SH3PXD2A: variants seen among roughly 807,000 people sequenced by gnomAD.
SH3PXD2A encodes the protein SH3 and PX domain-containing protein 2A.
Under a neutral mutation model 115.2 loss-of-function variants are expected in SH3PXD2A, and 32 were observed. The ratio of observed to expected loss-of-function variants is 0.28; its 90% CI spans 0.21 to 0.37. The LOEUF (loss-of-function observed/expected upper bound fraction) is 0.37, where lower values mean the gene tolerates loss of function less well. SH3PXD2A is among the 10% of genes least tolerant of loss of function. SH3PXD2A has a pLI of 1.00. For synonymous variants in SH3PXD2A, 610 were observed against 629.1 expected, an observed-to-expected ratio of 0.97 and a Z score of 0.45; for missense variants, 1,328 against 1,498.7, an observed-to-expected ratio of 0.89 and a Z score of 1.88.
intron 2 of SH3PXD2A, among the ~76,000 whole-genome samples, chr10:103,793,507 G>A (rs1640130448): frequency 6.6e-6 from 1 of 152,212 alleles, no homozygotes; most frequent in South Asian, 2.1e-4. Context: ...GGTCTTTTAG[G>A]CTGTTTCCCA....
chr10:103,697,006 A>T lies in SH3PXD2A; in HGVS notation c.399-3950T>A, dbSNP rs555100652. On this transcript the variant is annotated intron_variant, in intron 5 of 14. Transcript: ENST00000369774. ...CTAAACAAGGACTCCTGGGGCCTCTACTCCCACCCCGCCCCATCCCCGGGT... is the reference window on the plus strand; with the variant it reads ...CTAAACAAGGACTCCTGGGGCCTCTTCTCCCACCCCGCCCCATCCCCGGGT... 1.3e-4 allele frequency among the ~76,000 whole-genome samples: 20 copies of T among 151,720 alleles called. No homozygotes were observed. In the South Asian group the frequency reaches 4.0e-3, roughly 30 times the overall value.
At chr10:103,789,926 G>C (rs1034893495) in intron 2 of SH3PXD2A, among the ~76,000 whole-genome samples, 1 of 152,194 alleles carries the variant, frequency 6.6e-6, no homozygotes, top group African/African-American at 2.4e-5. Context: ...TCAACAATGA[G>C]AGAGGCAGGT....
chr10:103,735,529 C>G (rs547269383), intron 4 of SH3PXD2A, among the ~76,000 whole-genome samples: 4 of 152,340 alleles, frequency 2.6e-5, no homozygotes, highest in Admixed American at 6.5e-5. Context: ...AGAAGCTTAG[C>G]TGTGAACCCG....
At chr10:103,713,624 TC>T (rs2038071304) in intron 5 of SH3PXD2A, among the ~76,000 whole-genome samples, 1 of 152,204 alleles carries the variant, frequency 6.6e-6, no homozygotes, top group African/African-American at 2.4e-5. Flanking sequence ...GAATGCCACC[TC>T]CTCAGGGAGG....
rs142927701 is a variant in SH3PXD2A, at chr10:103,645,990, C to T, written c.604+14993G>A. ...TTGGCCTTCTTAACTGTAAAATAGG[C>T]ATCACAATACCCATACTTTACAGGG... On this transcript the variant is annotated intron_variant, in intron 8 of 14. Transcript: ENST00000369774. Among the ~76,000 whole-genome samples the T allele has an allele frequency of 7.3e-3, 1,109 of 152,304 alleles. 16 individuals are homozygous for T. The highest frequency in any genetic ancestry group is 8.1e-3 in the Non-Finnish European group (551 of 68,034).
rs140156077 is a variant in SH3PXD2A at position 103,660,854 on chromosome 10, C to T, written c.604+129G>A. ...CAACAGGGGGAAACTTCAGCCGCCT[C>T]GGCCCTCTCTCTGCCAGATGGAAAT... is the stretch of plus-strand genomic sequence containing the variant. On this transcript the variant is annotated intron_variant, in intron 8 of 14. Transcript: ENST00000369774. 1.4e-5 allele frequency: 15 copies of T among 1,055,874 alleles called. No homozygotes were observed. The African/African-American group carries it at 1.6e-4, about 11-fold the overall frequency. The allele number at this position is 1,055,874 out of a possible 1,614,324, so 65.4% of individuals were successfully genotyped here.
chr10:103,648,428 T>C (rs2037068507), intron 8 of SH3PXD2A, among the ~76,000 whole-genome samples: 1 of 152,154 alleles, frequency 6.6e-6, no homozygotes, highest in Non-Finnish European at 1.5e-5. Flanking sequence ...ATACTTCTGG[T>C]TGTAACTGAT....
intron 1 of SH3PXD2A, among the ~76,000 whole-genome samples, chr10:103,816,620 C>T (rs567171097): frequency 2.9e-4 from 44 of 152,220 alleles, no homozygotes; most frequent in South Asian, 1.0e-3. Flanking sequence ...TTAAACGTAG[C>T]GTCACCGGAT....
Position 103,797,805 on chromosome 10 carries a change from T to C in SH3PXD2A, c.153+3477A>G, listed in dbSNP as rs558576988. Among the ~76,000 whole-genome samples, 291 of 150,708 alleles carry C rather than the reference T, an allele frequency of 1.9e-3. 1 individual carries two copies. The highest frequency in any genetic ancestry group is 3.0e-3 in the Non-Finnish European group (204 of 67,648). On this transcript the variant is annotated intron_variant, in intron 2 of 14. Coordinates refer to ENST00000369774, the MANE Select transcript of SH3PXD2A (RefSeq NM_001394015.1). ...GGAGAGAAATGGAAAAACCAAAGAG[T>C]GTGGGGTTTCTGTTCAGATGACAGA...
At chr10:103,614,222 TC>T (rs1049739445) in intron 11 of SH3PXD2A, among the ~76,000 whole-genome samples, 1 of 152,020 alleles carries the variant, frequency 6.6e-6, no homozygotes, top group Non-Finnish European at 1.5e-5. Context: ...ACCACTGCAC[TC>T]CACTCTGGGA....
At chr10:103,737,545 C>A (rs2038394102) in intron 3 of SH3PXD2A, among the ~76,000 whole-genome samples, 2 of 152,150 alleles carry the variant, frequency 1.3e-5, no homozygotes, top group South Asian at 4.1e-4. Context: ...GAAGTGTTAT[C>A]AGGCCAGTTA....
chr10:103,740,364 G>A (rs1221316249), intron 3 of SH3PXD2A, among the ~76,000 whole-genome samples: 2 of 152,274 alleles, frequency 1.3e-5, no homozygotes, highest in Non-Finnish European at 2.9e-5. Context: ...GAGAGCCACC[G>A]TGAGGACTTT....
chr10:103,849,743 A>G (rs952244834), intron 1 of SH3PXD2A, among the ~76,000 whole-genome samples: 7 of 152,194 alleles, frequency 4.6e-5, no homozygotes, highest in African/African-American at 1.7e-4. Flanking sequence ...GGCAATTGTC[A>G]TGGCAGAGAA....
chr10:103,661,813 G>A (rs1425877784), intron 7 of SH3PXD2A: 1 of 985,128 alleles, frequency 1.0e-6, no homozygotes, highest in Non-Finnish European at 1.2e-6. Context: ...ATGAGGAGCC[G>A]GGGGTGGAGG....
At chr10:103,780,017 T>C (rs889974357) in intron 2 of SH3PXD2A, among the ~76,000 whole-genome samples, 1 of 152,258 alleles carries the variant, frequency 6.6e-6, no homozygotes, top group African/African-American at 2.4e-5. Context: ...CCAATTGTTC[T>C]TGATTCTTCT....
intron 2 of SH3PXD2A, 99 bp downstream of exon 2, chr10:103,801,183 C>T (rs2039143309): frequency 1.4e-6 from 1 of 733,946 alleles, no homozygotes; most frequent in African/African-American, 1.7e-5. Flanking sequence ...GACTCTGACC[C>T]TGACAGCTCT....
At chr10:103,650,187 C>G (rs1393385835) in intron 8 of SH3PXD2A, among the ~76,000 whole-genome samples, 1 of 151,952 alleles carries the variant, frequency 6.6e-6, no homozygotes, top group Non-Finnish European at 1.5e-5. Context: ...GCGGCAGCAG[C>G]TCAGCAGCGG....
At chr10:103,721,828 C>T (rs1176007522) in intron 5 of SH3PXD2A, among the ~76,000 whole-genome samples, 1 of 152,098 alleles carries the variant, frequency 6.6e-6, no homozygotes, top group Non-Finnish European at 1.5e-5. Context: ...GGCAGGAGCG[C>T]AGACAGGTGG....
chr10:103,811,628 T>A (rs1381787219), intron 1 of SH3PXD2A, among the ~76,000 whole-genome samples: 1 of 152,188 alleles, frequency 6.6e-6, no homozygotes, highest in Non-Finnish European at 1.5e-5. Context: ...GCAGACTGCC[T>A]GGAGCAAGAC....
Sources: gnomAD v4.1 joint callset for allele counts (sites outside exome capture counted in the v4.1 genomes callset) on GRCh38, gnomAD v4.1.1 for gene constraint, MANE v1.5 for transcripts, NCBI Gene and HGNC (gene_info 2026-07-23, HGNC 2026-07-21) for gene names.